The following RTTN variants were observed in gnomAD, a reference collection of about 807,000 sequenced individuals.
The protein encoded by RTTN is rotatin.
A neutral mutation model predicts 269.2 loss-of-function variants in RTTN; 182 were observed. The ratio of observed to expected loss-of-function variants is 0.68; its 90% confidence interval spans 0.60 to 0.76. The LOEUF is 0.76. Among genes scored for constraint, RTTN ranks in the 30% least tolerant of loss-of-function variants. RTTN has a pLI of 0.00. For synonymous variants in RTTN, 1,006 were observed against 963.5 expected (o/e 1.04, Z -0.82); for missense variants, 2,545 against 2,608.6 (o/e 0.98, Z 0.53).
chr18:70,075,487 G>GGGCA lies in RTTN; in HGVS notation c.4425_4428dup (p.Leu1477CysfsTer13), dbSNP rs746502408. 1.9e-6 allele frequency: 3 copies of GGGCA among 1,603,196 alleles called. No individual in the cohort carries two copies. In the Admixed American group the frequency reaches 5.2e-5, roughly 28 times the overall value. ...TGGCAGTGATATAAAAGAGCCTGAA[G>GGGCA]GGCAGGTTTTCCAATGAGCGATAGG... is the stretch of plus-strand genomic sequence containing the variant. On this transcript the variant is annotated frameshift_variant, in exon 33 of 49. Coordinates refer to ENST00000640769, the MANE Select transcript of RTTN (RefSeq NM_173630.4). LOFTEE classifies it high-confidence loss of function.
At chr18:70,092,354 G>T in intron 29 of RTTN, 134 bp from the exon 30 acceptor site, 1 of 654,260 alleles carries the variant, frequency 1.5e-6, no homozygotes. Flanking sequence ...CCATTATTCA[G>T]CCAAAAAAGG....
chr18:70,152,705 G>A (rs8089194), intron 14 of RTTN, among the ~76,000 whole-genome samples: 123,687 of 152,012 alleles, frequency 0.81, 53,502 homozygotes, highest in East Asian at 1. Flanking sequence ...TTATCAGCAA[G>A]ACCAATTAGC....
chr18:70,108,055 T>C (rs1007563859), intron 28 of RTTN, among the ~76,000 whole-genome samples: 2 of 152,158 alleles, frequency 1.3e-5, no homozygotes, highest in African/African-American at 4.8e-5. Context: ...CGGGTGTGGA[T>C]CACCTGAGAT....
chr18:70,197,726 A>G lies in RTTN; in HGVS notation c.591T>C (p.Ser197=). Residue 197 remains serine, a synonymous_variant, in exon 6 of 49, where the codon AGT becomes AGC. Transcript: ENST00000640769. ...VLSSNESSLR[S]SNHTLIWNTC... is the part of the protein sequence containing the mutation. ...TGTTCCAGATTAAAGTGTGGTTACT[A>G]CTTCTTAAAGAGCTACAAAACATAG... is the stretch of plus-strand genomic sequence containing the variant. 1 of 1,596,732 alleles carries G rather than the reference A, an allele frequency of 6.3e-7. No homozygotes were observed. The highest frequency in any genetic ancestry group is 1.1e-5 in the South Asian group (1 of 90,690).
chr18:70,166,887 T>C (rs2061000832), intron 13 of RTTN, 32 bp downstream of exon 13: 3 of 1,414,148 alleles, frequency 2.1e-6, no homozygotes, highest in Non-Finnish European at 2.0e-6. Flanking sequence ...TGTCCAATAA[T>C]AACGTAATCA....
At chr18:70,005,335 GC>G in intron 47 of RTTN, 68 bp from the exon 48 acceptor site, 1 of 1,056,144 alleles carries the variant, frequency 9.5e-7, no homozygotes, top group Non-Finnish European at 1.5e-6. Context: ...CACTAATTCT[GC>G]CCATTGCTAA....
chr18:70,104,074 G>A lies in RTTN; in HGVS notation c.3903+5424C>T, dbSNP rs1212331519. 3.9e-5 allele frequency among the ~76,000 whole-genome samples: 6 copies of A among 152,326 alleles called. No homozygotes were observed. The South Asian group carries it at 6.2e-4, about 16-fold the overall frequency. On this transcript the variant is annotated intron_variant, in intron 28 of 48. Transcript: ENST00000640769. ...GGGAAGTTCTCCTGGATAATATCCT[G>A]AAGAGCGTTTTCCAACTTGGTTCCA...
rs370570251 is a variant in RTTN at position 70,205,120 on chromosome 18, G to C, written c.219+8C>G. The C allele has an allele frequency of 1.9e-6, 3 of 1,609,822 alleles. No homozygotes were observed. The African/African-American group carries it at 4.0e-5, about 22-fold the overall frequency. On this transcript the variant is annotated splice_region_variant and intron_variant, in intron 2 of 48. Transcript: ENST00000640769. ...CTGATTATTTTCTTTATTTCAAAATGACCCTACCTTAACCAATCTGCTTAA... is the reference window on the plus strand; with the variant it reads ...CTGATTATTTTCTTTATTTCAAAATCACCCTACCTTAACCAATCTGCTTAA...
At chr18:70,038,398 C>A (rs2057240447) in intron 40 of RTTN, among the ~76,000 whole-genome samples, 2 of 152,160 alleles carry the variant, frequency 1.3e-5, no homozygotes, top group Non-Finnish European at 1.5e-5. Flanking sequence ...CAGTTCCAGG[C>A]TGCTCAGTAT....
chr18:70,178,424 T>C (rs79771255), intron 10 of RTTN, among the ~76,000 whole-genome samples: 5,800 of 152,268 alleles, frequency 0.038, 147 homozygotes, highest in African/African-American at 0.062. Context: ...TGAGGGGTTA[T>C]TGTTTAATGG....
At chr18:70,189,849 A>G (rs1234655241) in intron 9 of RTTN, among the ~76,000 whole-genome samples, 1 of 152,210 alleles carries the variant, frequency 6.6e-6, no homozygotes. Flanking sequence ...GACCTCTGTC[A>G]TATTGTTATT....
intron 40 of RTTN, among the ~76,000 whole-genome samples, chr18:70,046,400 G>A (rs1263273235): frequency 6.6e-6 from 1 of 152,150 alleles, no homozygotes; most frequent in Non-Finnish European, 1.5e-5. Flanking sequence ...AAGTGTGTCA[G>A]CAAGAGCAAA....
intron 32 of RTTN, among the ~76,000 whole-genome samples, chr18:70,086,076 T>C (rs1244316716): frequency 6.6e-6 from 1 of 152,054 alleles, no homozygotes; most frequent in Non-Finnish European, 1.5e-5. Flanking sequence ...CAAAGCAAGA[T>C]ACACTATAAC....
rs544102248 is a variant in RTTN at position 70,040,687 on chromosome 18, C to T, written c.5541+7284G>A. On this transcript the variant is annotated intron_variant, in intron 40 of 48. Coordinates refer to ENST00000640769, the MANE Select transcript of RTTN (RefSeq NM_173630.4). ...GCAGAATACACATTCTTCTCCTCAGCATATGGATCATTCTGTAGGATATTC... is the reference window on the plus strand; with the variant it reads ...GCAGAATACACATTCTTCTCCTCAGTATATGGATCATTCTGTAGGATATTC... Among the ~76,000 whole-genome samples, 62 of 152,300 alleles carry T rather than the reference C, an allele frequency of 4.1e-4. No homozygotes were observed. In the South Asian group the frequency reaches 0.012, roughly 31 times the overall value.
rs527931197 is a variant in RTTN at position 70,120,913 on chromosome 18, T to C, written c.3528+643A>G. 3.9e-5 allele frequency among the ~76,000 whole-genome samples: 6 copies of C among 152,162 alleles called. No homozygotes were observed. In the South Asian group the frequency reaches 8.3e-4, roughly 21 times the overall value. ...TAAAAATACAAAAATTAGCTGGGCG[T>C]GGTGGCAGGCACCTGTAATCCCAGC... On this transcript the variant is annotated intron_variant, in intron 26 of 48. Transcript: ENST00000640769.
At chr18:70,070,296 G>A (rs534925661) in intron 34 of RTTN, among the ~76,000 whole-genome samples, 1 of 152,226 alleles carries the variant, frequency 6.6e-6, no homozygotes, top group Non-Finnish European at 1.5e-5. Context: ...TTAGACTCTG[G>A]ATAATCCACA....
Position 70,148,912 on chromosome 18 carries a change from C to T in RTTN, c.2298G>A (p.Val766=), listed in dbSNP as rs2060465046. Reference sequence around the variant, plus strand: ...TACGTTGTACTCACGATGGCTTTTTCACTAGCAAAAGTCGCAGCATGGACT... The same window carrying T: ...TACGTTGTACTCACGATGGCTTTTTTACTAGCAAAAGTCGCAGCATGGACT... ...RLKSMLRLLL[V]KKPSVRSLAL... The change falls in exon 17 of 49, where the codon GTG becomes GTA. Residue 766 remains valine (V), a synonymous_variant. Transcript: ENST00000640769. 7 of 1,613,336 alleles carry T rather than the reference C, an allele frequency of 4.3e-6. No individual in the cohort carries two copies. The South Asian group carries it at 6.6e-5, about 15-fold the overall frequency.
At chr18:70,121,059 T>TA (rs930248075) in intron 26 of RTTN, among the ~76,000 whole-genome samples, 3,075 of 144,154 alleles carry the variant, frequency 0.021, 106 homozygotes, top group African/African-American at 0.071. Flanking sequence ...TCAAAAAAAA[T>TA]AAAAAAAAAA....
intron 4 of RTTN, among the ~76,000 whole-genome samples, chr18:70,201,230 G>C (rs911138030): frequency 4.6e-5 from 7 of 152,186 alleles, no homozygotes; most frequent in African/African-American, 1.7e-4. Flanking sequence ...TCTGGCTGGC[G>C]TAACTGGATA....
Sources: allele counts gnomAD v4.1 joint callset (sites outside exome capture counted in the v4.1 genomes callset), GRCh38; gene constraint gnomAD v4.1.1; transcripts MANE v1.5; gene names NCBI Gene and HGNC (gene_info 2026-07-23, HGNC 2026-07-21).